KIAA0930: variants seen among roughly 807,000 people sequenced by gnomAD.
KIAA0930 encodes the protein KIAA0930.
KIAA0930 carries 24 observed loss-of-function variants against 43.9 expected under a neutral mutation model. That is an observed-to-expected ratio of 0.55 (90% CI 0.40 to 0.77). The LOEUF (loss-of-function observed/expected upper bound fraction) is 0.77, where lower values mean the gene tolerates loss of function less well. Ranked by LOEUF, KIAA0930 falls within the 30% of genes least tolerant of loss-of-function variation. The probability of loss-of-function intolerance (pLI) is 0.00; values close to 1 mark genes in which losing one functional copy is unlikely to be tolerated. For missense variants in KIAA0930, 461 were observed against 574.2 expected (o/e 0.80, Z 2.02); for synonymous variants, 259 against 216.4 (o/e 1.20, Z -1.73).
chr22:45,227,939 G>C (rs1409974929), intron 1 of KIAA0930, among the ~76,000 whole-genome samples: 1 of 152,188 alleles, frequency 6.6e-6, no homozygotes, highest in African/African-American at 2.4e-5. Context: ...CTCCTCCCTG[G>C]ATCAGGAGAA....
intron 2 of KIAA0930, among the ~76,000 whole-genome samples, chr22:45,206,931 T>G (rs1180135009): frequency 6.6e-6 from 1 of 152,132 alleles, no homozygotes; most frequent in Middle Eastern, 3.4e-3. Flanking sequence ...ACTCCTGACC[T>G]CAGGTGATCT....
intron 1 of KIAA0930, 36 bp from the exon 2 acceptor site, chr22:45,212,143 G>A (rs992089985): frequency 3.7e-6 from 6 of 1,613,480 alleles, no homozygotes; most frequent in African/African-American, 2.7e-5. Flanking sequence ...GAGGAAGGAC[G>A]GCCACCCTGG....
At chr22:45,227,503 C>G (rs761562854) in intron 1 of KIAA0930, among the ~76,000 whole-genome samples, 1 of 152,196 alleles carries the variant, frequency 6.6e-6, no homozygotes, top group African/African-American at 2.4e-5. Context: ...GCGCCAGCCT[C>G]GAATCCAGGA....
intron 1 of KIAA0930, among the ~76,000 whole-genome samples, chr22:45,230,067 G>A (rs2147764607): frequency 6.6e-6 from 1 of 152,344 alleles, no homozygotes; most frequent in African/African-American, 2.4e-5. Context: ...CTGCACTCCA[G>A]CCTGGGTGAC....
rs1173719841 is a variant in KIAA0930, at chr22:45,223,801, CAGCACCCAGGATCAGCACCAGATG to C, written c.65-11718_65-11695del. Among the ~76,000 whole-genome samples the C allele has an allele frequency of 3.2e-3, 477 of 147,352 alleles. 2 individuals carry two copies. Among genetic ancestry groups the C allele is most frequent in the African/African-American group, 7.6e-3 (290 of 37,980 alleles). On this transcript the variant is annotated intron_variant, in intron 1 of 9. Coordinates refer to ENST00000336156, the MANE Select transcript of KIAA0930 (RefSeq NM_001009880.2). ...TAAGCACCCAGGGTCAGCACTGAGA[CAGCACCCAGGATCAGCACCAGATG>C]AGCACCCAGGATCAGCACCAGATGA...
chr22:45,221,861 A>G (rs2083769793), intron 1 of KIAA0930, among the ~76,000 whole-genome samples: 1 of 152,176 alleles, frequency 6.6e-6, no homozygotes, highest in Non-Finnish European at 1.5e-5. Context: ...CAGCCTCCTG[A>G]GTAGCTGGGA....
chr22:45,239,209 G>A (rs188483124), intron 1 of KIAA0930, among the ~76,000 whole-genome samples: 2 of 152,354 alleles, frequency 1.3e-5, no homozygotes, highest in Admixed American at 1.3e-4. Flanking sequence ...AGGGCCAAGT[G>A]ACCTGCAGCA....
intron 7 of KIAA0930, among the ~76,000 whole-genome samples, chr22:45,201,515 CG>C (rs2083588877): frequency 6.6e-6 from 1 of 152,186 alleles, no homozygotes; most frequent in Non-Finnish European, 1.5e-5. Flanking sequence ...GCCCAGAGCT[CG>C]GGCCACATCT....
chr22:45,197,024 CG>C lies in KIAA0930; in HGVS notation c.*151del. ...CAGTTTGGGCTGGTGTTCGTGGAGT[CG>C]GCCCCGGCCCCGGGAGTCGAGTGGC... On this transcript the variant is annotated 3_prime_UTR_variant, in exon 10 of 10. Coordinates refer to ENST00000336156, the MANE Select transcript of KIAA0930 (RefSeq NM_001009880.2). 1 of 613,382 alleles carries C rather than the reference CG, an allele frequency of 1.6e-6. No homozygotes were observed. The highest frequency in any genetic ancestry group is 2.8e-6 in the Non-Finnish European group (1 of 360,830). 38.0% of individuals were successfully genotyped at this position (613,382 alleles called of 1,614,324 possible).
Position 45,204,655 on chromosome 22 carries a change from G to C in KIAA0930, c.516+562C>G, listed in dbSNP as rs1330815716. 2.0e-5 allele frequency among the ~76,000 whole-genome samples: 3 copies of C among 152,028 alleles called. No homozygotes were observed. The East Asian group carries it at 5.8e-4, about 29-fold the overall frequency. The stretch of plus-strand genomic sequence containing the variant: ...AAGGACCCCGACCAGGGCCTCAACA[G>C]AGGAGAGACACAAATGGGCAGAGCA... On this transcript the variant is annotated intron_variant, in intron 5 of 9. Transcript: ENST00000336156.
intron 1 of KIAA0930, among the ~76,000 whole-genome samples, chr22:45,233,054 G>A (rs944584529): frequency 6.6e-6 from 1 of 152,230 alleles, no homozygotes; most frequent in Non-Finnish European, 1.5e-5. Context: ...TCAGGAAGGT[G>A]GAGGAAGGCA....
chr22:45,221,233 A>G (rs2083765763), intron 1 of KIAA0930, among the ~76,000 whole-genome samples: 1 of 152,184 alleles, frequency 6.6e-6, no homozygotes, highest in Non-Finnish European at 1.5e-5. Flanking sequence ...TATTCTGTTT[A>G]CTTTCAGTCT....
chr22:45,216,237 C>A (rs961782774), intron 1 of KIAA0930, among the ~76,000 whole-genome samples: 1 of 152,168 alleles, frequency 6.6e-6, no homozygotes, highest in Admixed American at 6.5e-5. Context: ...TGACGCCACC[C>A]TTCCCTACTC....
At position 45,204,877 on chromosome 22, in the gene KIAA0930, A is replaced by G. The variant is rs541401632; in HGVS notation, c.516+340T>C. Reference sequence around the variant, plus strand: ...TGGAGGCGCTTCTTTATCATTTACTAGCATTAATAATGGCTCCTCCCGCCC... The same window carrying G: ...TGGAGGCGCTTCTTTATCATTTACTGGCATTAATAATGGCTCCTCCCGCCC... On this transcript the variant is annotated intron_variant, in intron 5 of 9. Transcript: ENST00000336156. Among the ~76,000 whole-genome samples, 369 of 152,252 alleles carry G rather than the reference A, an allele frequency of 2.4e-3. 2 individuals are homozygous for G. Among genetic ancestry groups the G allele is most frequent in the South Asian group, 5.0e-3 (24 of 4,822 alleles).
intron 1 of KIAA0930, among the ~76,000 whole-genome samples, chr22:45,235,046 TAAC>T (rs1211841413): frequency 6.6e-6 from 1 of 152,068 alleles, no homozygotes; most frequent in African/African-American, 2.4e-5. Context: ...CTGAGGATGT[TAAC>T]AAGTCTCCTG....
At chr22:45,200,877 C>T in intron 7 of KIAA0930, 1 of 471,918 alleles carries the variant, frequency 2.1e-6, no homozygotes, top group Admixed American at 2.3e-5. Context: ...AAGGGATCCA[C>T]AGCCTGGGAA....
At chr22:45,221,854 C>T (rs567248676) in intron 1 of KIAA0930, among the ~76,000 whole-genome samples, 1 of 152,312 alleles carries the variant, frequency 6.6e-6, no homozygotes, top group South Asian at 2.1e-4. Flanking sequence ...CCTGCCTCAG[C>T]CTCCTGAGTA....
chr22:45,213,490 G>A (rs1435938982), intron 1 of KIAA0930: 3 of 1,197,630 alleles, frequency 2.5e-6, no homozygotes, highest in Non-Finnish European at 3.2e-6. Context: ...CAGGACCCGG[G>A]GGAACGAAAC....
chr22:45,222,987 A>C (rs974788202), intron 1 of KIAA0930, among the ~76,000 whole-genome samples: 16 of 152,196 alleles, frequency 1.1e-4, no homozygotes, highest in Non-Finnish European at 2.2e-4. Flanking sequence ...GTAGGAACGT[A>C]AACTGCCAAA....
Sources: gnomAD v4.1 joint callset for allele counts (sites outside exome capture counted in the v4.1 genomes callset) on GRCh38, gnomAD v4.1.1 for gene constraint, MANE v1.5 for transcripts, NCBI Gene and HGNC (gene_info 2026-07-23, HGNC 2026-07-21) for gene names.